Variants in MYBL1 observed in about 807,000 individuals in gnomAD.
The protein encoded by MYBL1 is myb-related protein A.
MYBL1 carries 17 observed loss-of-function variants against 96.3 expected under a neutral mutation model. That is an observed-to-expected ratio of 0.18 (90% CI 0.12 to 0.26). The LOEUF (loss-of-function observed/expected upper bound fraction) is 0.26. Among genes scored for constraint, MYBL1 ranks in the 10% least tolerant of loss-of-function variants. The pLI is 1.00. For missense variants in MYBL1, 701 were observed against 882.9 expected (o/e 0.79, Z 2.61); for synonymous variants, 282 against 292.7 (o/e 0.96, Z 0.37).
intron 1 of MYBL1, among the ~76,000 whole-genome samples, chr8:66,607,846 T>C (rs191854880): frequency 7.9e-5 from 12 of 152,310 alleles, no homozygotes; most frequent in African/African-American, 2.9e-4. Flanking sequence ...ACCAGCAACA[T>C]TACCACTTCC....
rs887858817 is a variant in MYBL1 at position 66,562,283 on chromosome 8, G to T, written c.*2414C>A. 1 of 152,548 alleles carries T rather than the reference G, an allele frequency of 6.6e-6. No individual in the cohort carries two copies. Among genetic ancestry groups the T allele is most frequent in the African/African-American group, 2.4e-5 (1 of 41,430 alleles). 9.4% of individuals were successfully genotyped at this position (152,548 alleles called of 1,614,324 possible). A position where few individuals can be genotyped will look rare whatever the true frequency, so the allele number is the denominator to read the frequency against. On this transcript the variant is annotated 3_prime_UTR_variant, in exon 16 of 16. Coordinates refer to ENST00000522677, the MANE Select transcript of MYBL1 (RefSeq NM_001080416.4). The stretch of plus-strand genomic sequence containing the variant: ...TATCACAAAACTCAATTTAGTCAGG[G>T]TAATTGCTGTATTAATGTGAAAACC...
chr8:66,586,219 T>C (rs1398518489), intron 8 of MYBL1, among the ~76,000 whole-genome samples: 16 of 152,010 alleles, frequency 1.1e-4, no homozygotes, highest in Admixed American at 1.0e-3. Flanking sequence ...CTAAGTTTTG[T>C]ATTTTTTGTA....
chr8:66,597,750 CTAAT>C (rs1278535314), intron 4 of MYBL1, among the ~76,000 whole-genome samples, 200 bp from the exon 5 acceptor site: 1 of 148,682 alleles, frequency 6.7e-6, no homozygotes, highest in Non-Finnish European at 1.5e-5. Context: ...ATCCAAGGGG[CTAAT>C]TAAAGACTCT....
At chr8:66,599,573 G>C (rs779540490) in intron 3 of MYBL1, among the ~76,000 whole-genome samples, 3 of 152,108 alleles carry the variant, frequency 2.0e-5, no homozygotes, top group East Asian at 1.9e-4. Context: ...GGCCGAGGTG[G>C]GTGGATCACC....
intron 8 of MYBL1, among the ~76,000 whole-genome samples, chr8:66,589,481 A>AT (rs1809552150): frequency 6.6e-6 from 1 of 150,858 alleles, no homozygotes; most frequent in African/African-American, 2.4e-5. Flanking sequence ...TGCCTGGCTA[A>AT]TTTATTTATT....
Position 66,593,212 on chromosome 8 carries a change from CATT to C in MYBL1, c.688-21_688-19del. The C allele has an allele frequency of 6.9e-7, 1 of 1,443,580 alleles. No homozygotes were observed. Among genetic ancestry groups the C allele is most frequent in the Non-Finnish European group, 9.6e-7 (1 of 1,044,580 alleles). 89.4% of individuals were successfully genotyped at this position (1,443,580 alleles called of 1,614,324 possible). ...CCAGGGATCTAAAAAGTAATTAATG[CATT>C]ATTATCATACATATAATGCTATAAA... On this transcript the variant is annotated intron_variant, in intron 6 of 15. Transcript: ENST00000522677.
chr8:66,596,870 G>C (rs145819503), intron 5 of MYBL1, among the ~76,000 whole-genome samples: 1 of 152,170 alleles, frequency 6.6e-6, no homozygotes, highest in East Asian at 1.9e-4. Context: ...CCATGGTTTG[G>C]ATCATACCAT....
At chr8:66,570,790 A>G (rs1195023006) in intron 12 of MYBL1, among the ~76,000 whole-genome samples, 1 of 152,224 alleles carries the variant, frequency 6.6e-6, no homozygotes, top group Non-Finnish European at 1.5e-5. Flanking sequence ...TGGGATAAAT[A>G]TATACATTTA....
At chr8:66,565,930 A>G in intron 15 of MYBL1, 134 bp downstream of exon 15, 1 of 644,222 alleles carries the variant, frequency 1.6e-6, no homozygotes, top group Non-Finnish European at 2.5e-6. Context: ...GTGATAAAAT[A>G]ATGGTAAATG....
chr8:66,576,291 T>C lies in MYBL1; in HGVS notation c.1186A>G (p.Met396Val). The C allele has an allele frequency of 6.2e-7, 1 of 1,614,018 alleles. No individual in the cohort carries two copies. Among genetic ancestry groups the C allele is most frequent in the Non-Finnish European group, 8.5e-7 (1 of 1,179,892 alleles). The change falls in exon 10 of 16, where the codon ATG (methionine) becomes GTG (valine). Residue 396 changes from methionine to valine, a missense_variant. Transcript: ENST00000522677. ...GCTCCTTCATTGTGCTGAATTCTCA[T>C]TAATTTAACTGGGGTGGATTTGATA... ...SPIKSTPVKLMRIQHNEGAME... is the reference protein window; with the variant it reads ...SPIKSTPVKLVRIQHNEGAME...
At chr8:66,605,685 G>A (rs1810283732) in intron 1 of MYBL1, among the ~76,000 whole-genome samples, 1 of 151,946 alleles carries the variant, frequency 6.6e-6, no homozygotes, top group Non-Finnish European at 1.5e-5. Context: ...GCATGATGGT[G>A]GGTGCCTGTA....
chr8:66,571,733 T>A (rs1485487438), intron 12 of MYBL1, among the ~76,000 whole-genome samples: 1 of 151,396 alleles, frequency 6.6e-6, no homozygotes, highest in Non-Finnish European at 1.5e-5. Flanking sequence ...ATACAAAAAT[T>A]AGCTGGGCGT....
At chr8:66,568,058 A>AG (rs1808580152) in intron 12 of MYBL1, among the ~76,000 whole-genome samples, 1 of 151,842 alleles carries the variant, frequency 6.6e-6, no homozygotes, top group African/African-American at 2.4e-5. Context: ...AAAAAAAAAA[A>AG]AAAACAACAA....
chr8:66,595,483 C>T, intron 6 of MYBL1, 100 bp downstream of exon 6: 1 of 582,956 alleles, frequency 1.7e-6, no homozygotes, highest in Non-Finnish European at 2.6e-6. Flanking sequence ...CTATTTACCC[C>T]TTAATACGCA....
intron 11 of MYBL1, 59 bp downstream of exon 11, chr8:66,573,305 A>G: frequency 2.1e-6 from 3 of 1,426,052 alleles, no homozygotes; most frequent in Non-Finnish European, 1.9e-6. Flanking sequence ...CAAAAAGCTA[A>G]TCTACTTTAA....
At position 66,603,812 on chromosome 8, in the gene MYBL1, C is replaced by G. The variant is rs532637922; in HGVS notation, c.21-1289G>C. Reference sequence around the variant, plus strand: ...GCATCACCATGCCCAGCCTCCTGACCATATTATTGGATAAGAAAACAATAT... The same window carrying G: ...GCATCACCATGCCCAGCCTCCTGACGATATTATTGGATAAGAAAACAATAT... On this transcript the variant is annotated intron_variant, in intron 1 of 15. Transcript: ENST00000522677. 2.0e-5 allele frequency among the ~76,000 whole-genome samples: 3 copies of G among 152,114 alleles called. No individual in the cohort carries two copies. The East Asian group carries it at 5.8e-4, about 29-fold the overall frequency.
chr8:66,595,302 T>C (rs2129958345), intron 6 of MYBL1, among the ~76,000 whole-genome samples: 1 of 152,272 alleles, frequency 6.6e-6, no homozygotes, highest in African/African-American at 2.4e-5. Flanking sequence ...AATAGAATGT[T>C]AAAGCACAGA....
At chr8:66,595,845 AT>A (rs940912058) in intron 5 of MYBL1, 88 bp from the exon 6 acceptor site, 3 of 702,716 alleles carry the variant, frequency 4.3e-6, no homozygotes, top group Admixed American at 3.9e-5. Flanking sequence ...CTTAAAACAA[AT>A]TTTTACACTG....
intron 9 of MYBL1, among the ~76,000 whole-genome samples, chr8:66,578,653 T>C (rs1394456850): frequency 1.3e-5 from 2 of 152,182 alleles, no homozygotes; most frequent in African/African-American, 2.4e-5. Context: ...CTAGTTCAAC[T>C]ATTGCGGAAG....
Sources: allele counts gnomAD v4.1 joint callset (sites outside exome capture counted in the v4.1 genomes callset), GRCh38; gene constraint gnomAD v4.1.1; transcripts MANE v1.5; gene names NCBI Gene and HGNC (gene_info 2026-07-23, HGNC 2026-07-21).